The following LDHAL6A variants were observed in gnomAD, a reference collection of about 807,000 sequenced individuals.
LDHAL6A encodes the protein lactate dehydrogenase A like 6A, also known as L-lactate dehydrogenase A-like 6A.
LDHAL6A carries 19 observed loss-of-function variants against 28.2 expected under a neutral mutation model. That is an observed-to-expected ratio of 0.67 (90% CI 0.47 to 0.99). The LOEUF is 0.99. LDHAL6A is among the 50% of genes least tolerant of loss of function. The probability of loss-of-function intolerance (pLI) is 0.00; values close to 1 mark genes in which losing one functional copy is unlikely to be tolerated. For missense variants in LDHAL6A, 372 were observed against 398.6 expected, an observed-to-expected ratio of 0.93 and a Z score of 0.57; for synonymous variants, 144 against 134.4, an observed-to-expected ratio of 1.07 and a Z score of -0.49.
chr11:18,467,507 C>T (rs35946818), intron 3 of LDHAL6A, among the ~76,000 whole-genome samples: 1,549 of 152,094 alleles, frequency 0.01, 18 homozygotes, highest in Non-Finnish European at 0.017. Flanking sequence ...ATGTTGATTA[C>T]TGTAGCTTTG....
At position 18,475,533 on chromosome 11, in the gene LDHAL6A, T is replaced by C. The variant is rs780090609; in HGVS notation, c.486T>C (p.Gly162=). 4.2e-5 allele frequency: 67 copies of C among 1,613,960 alleles called. 1 individual carries two copies. The highest frequency in any genetic ancestry group is 2.5e-4 in the Admixed American group (15 of 60,008). ...CCAAAAACCGTGTTATTGGAAGTGG[T>C]TGTAATCTGGACTCTGCTCGTTTTC... The part of the protein sequence containing the change: ...GFPKNRVIGS[G]CNLDSARFRY... The change falls in exon 4 of 7, where the codon GGT becomes GGC. Residue 162 remains glycine, a synonymous_variant. Transcript: ENST00000280706.
chr11:18,464,977 G>GTTTTTTGTTTTTTTTT (rs1849015131), intron 2 of LDHAL6A, among the ~76,000 whole-genome samples: 2 of 125,490 alleles, frequency 1.6e-5, no homozygotes, highest in African/African-American at 3.4e-5. Flanking sequence ...TGTTTTTTTT[G>GTTTTTTGTTTTTTTTT]TTTTTTTTTG....
chr11:18,464,039 A>G lies in LDHAL6A; in HGVS notation c.205A>G (p.Ser69Gly), dbSNP rs752655496. 12 of 1,613,852 alleles carry G rather than the reference A, an allele frequency of 7.4e-6. No individual in the cohort carries two copies. In the South Asian group the frequency reaches 1.3e-4, roughly 18 times the overall value. ...TGAGACAATGGATCTTCAACATGGC[A>G]GCCCTTTTATGAAAATGCCAAATAT... ...KGETMDLQHG[S>G]PFMKMPNIVS... The change falls in exon 2 of 7, where the codon AGC becomes GGC. Residue 69 changes from serine to glycine, a missense_variant. Ser to Gly is a moderately conservative substitution (Grantham distance 56). Coordinates refer to ENST00000280706, the MANE Select transcript of LDHAL6A (RefSeq NM_144972.5).
rs573642498 is a variant in LDHAL6A at position 18,476,227 on chromosome 11, G to A, written c.593-157G>A. ...AATAGAATTGTGGATCCCCATCTGT[G>A]GAGATCTAGATTTAGAATATCTGGA... On this transcript the variant is annotated intron_variant, in intron 4 of 6. Coordinates refer to ENST00000280706, the MANE Select transcript of LDHAL6A (RefSeq NM_144972.5). 1.3e-5 allele frequency among the ~76,000 whole-genome samples: 2 copies of A among 152,304 alleles called. 1 individual carries two copies. The highest frequency in any genetic ancestry group is 4.1e-4 in the South Asian group (2 of 4,826).
At chr11:18,458,617 G>A (rs1848818834) in intron 1 of LDHAL6A, among the ~76,000 whole-genome samples, 1 of 152,158 alleles carries the variant, frequency 6.6e-6, no homozygotes. Context: ...AGGAGGTGGT[G>A]ATAGCCTAAA....
In LDHAL6A at chr11:18,456,396, C is replaced by G. The variant is rs1264080165; in HGVS notation, c.-285C>G. ...AGTTTCATGTTTGGTGGAGCAACCC[C>G]TGTTCCTTTCCTCTCTCTCTCTCTT... On this transcript the variant is annotated 5_prime_UTR_variant, in exon 1 of 7. Coordinates refer to ENST00000280706, the MANE Select transcript of LDHAL6A (RefSeq NM_144972.5). The G allele has an allele frequency of 3.1e-6, 1 of 319,056 alleles. No homozygotes were observed. The highest frequency in any genetic ancestry group is 5.7e-6 in the Non-Finnish European group (1 of 176,798). 19.8% of individuals were successfully genotyped at this position (319,056 alleles called of 1,614,324 possible).
chr11:18,479,112 T>A lies in LDHAL6A; in HGVS notation c.*242T>A. On this transcript the variant is annotated 3_prime_UTR_variant, in exon 7 of 7. Coordinates refer to ENST00000280706, the MANE Select transcript of LDHAL6A (RefSeq NM_144972.5). ...GCAACCTTGACCTCCCGAGCTCAGG[T>A]GAGCCTCCCACTTCAGCCTCCAGAG... 3.0e-6 allele frequency: 1 copy of A among 329,680 alleles called. No individual in the cohort carries two copies. Among genetic ancestry groups the A allele is most frequent in the Non-Finnish European group, 5.6e-6 (1 of 179,558 alleles). 20.4% of individuals were successfully genotyped at this position (329,680 alleles called of 1,614,324 possible).
intron 3 of LDHAL6A, 153 bp from the exon 4 acceptor site, chr11:18,475,310 ATTC>A: frequency 1.7e-6 from 1 of 587,544 alleles, no homozygotes; most frequent in Non-Finnish European, 3.0e-6. Context: ...TTTGGTAGAT[ATTC>A]TTAAGAGTTG....
intron 3 of LDHAL6A, among the ~76,000 whole-genome samples, chr11:18,470,063 G>A (rs947541602): frequency 3.3e-5 from 5 of 152,084 alleles, no homozygotes; most frequent in African/African-American, 1.2e-4. Flanking sequence ...CAAGTAGCTG[G>A]GATTACAGGC....
intron 3 of LDHAL6A, among the ~76,000 whole-genome samples, chr11:18,470,461 A>G (rs1453460875): frequency 2.6e-5 from 4 of 152,206 alleles, no homozygotes; most frequent in Non-Finnish European, 5.9e-5. Flanking sequence ...AGTTCAAATC[A>G]GAGTTTTAAG....
intron 3 of LDHAL6A, among the ~76,000 whole-genome samples, chr11:18,467,911 A>ATG (rs71050603): frequency 2.7e-5 from 2 of 74,710 alleles, no homozygotes; most frequent in African/African-American, 1.3e-4. Flanking sequence ...ATATATATAT[A>ATG]TATATATACA....
intron 1 of LDHAL6A, among the ~76,000 whole-genome samples, chr11:18,461,037 G>A (rs71486866): frequency 1.3e-5 from 2 of 151,960 alleles, no homozygotes; most frequent in African/African-American, 4.8e-5. Context: ...AGGATTTCAC[G>A]ATGTTGGCCA....
At chr11:18,474,224 G>GGGAT (rs1384127671) in intron 3 of LDHAL6A, among the ~76,000 whole-genome samples, 1 of 151,088 alleles carries the variant, frequency 6.6e-6, no homozygotes, top group Non-Finnish European at 1.5e-5. Flanking sequence ...GATTACAGGT[G>GGGAT]TCCACCACCA....
At chr11:18,468,966 A>G (rs1849192232) in intron 3 of LDHAL6A, 3 of 382,518 alleles carry the variant, frequency 7.8e-6, no homozygotes, top group Non-Finnish European at 1.4e-5. Context: ...TACCAAATCC[A>G]AAATTCAGAA....
chr11:18,465,874 C>A, intron 3 of LDHAL6A, 64 bp downstream of exon 3: 2 of 1,326,736 alleles, frequency 1.5e-6, no homozygotes, highest in South Asian at 1.3e-5. Flanking sequence ...AGGTTCATTA[C>A]ATGAGTATAC....
intron 1 of LDHAL6A, among the ~76,000 whole-genome samples, chr11:18,457,684 C>T (rs1848792530): frequency 6.6e-6 from 1 of 152,136 alleles, no homozygotes; most frequent in Non-Finnish European, 1.5e-5. Flanking sequence ...AGAATACACA[C>T]ACGTGAAAAC....
intron 3 of LDHAL6A, among the ~76,000 whole-genome samples, chr11:18,467,974 T>C (rs1849141527): frequency 2.3e-5 from 1 of 43,852 alleles, no homozygotes; most frequent in African/African-American, 1.1e-4. Flanking sequence ...TATACGTATA[T>C]ATATACGTAT....
chr11:18,464,904 C>A (rs762170832), intron 2 of LDHAL6A, among the ~76,000 whole-genome samples: 3 of 151,614 alleles, frequency 2.0e-5, no homozygotes, highest in Non-Finnish European at 4.4e-5. Context: ...ATATTCTTGC[C>A]AGAGTAATCC....
rs1430610658 is a variant in LDHAL6A at position 18,468,042 on chromosome 11, TATATACGTATATATATATAC to T, written c.418+2238_418+2257del. 4.3e-3 allele frequency among the ~76,000 whole-genome samples: 58 copies of T among 13,580 alleles called. 6 individuals carry two copies. The East Asian group carries it at 0.095, about 22-fold the overall frequency. 8.9% of individuals were successfully genotyped at this position (13,580 alleles called of 152,430 possible). A position where few individuals can be genotyped will look rare whatever the true frequency, so the allele number is the denominator to read the frequency against. ...ATATATACGTATATATATATACATA[TATATACGTATATATATATAC>T]ATATATATATATATATTTTGCTTGT... On this transcript the variant is annotated intron_variant, in intron 3 of 6. Transcript: ENST00000280706.
Sources: allele counts gnomAD v4.1 joint callset (sites outside exome capture counted in the v4.1 genomes callset), GRCh38; gene constraint gnomAD v4.1.1; transcripts MANE v1.5; gene names NCBI Gene and HGNC (gene_info 2026-07-23, HGNC 2026-07-21).